The following HMGB1 variants were observed in gnomAD, a reference collection of about 807,000 sequenced individuals.
HMGB1 encodes the protein high mobility group box 1, also known as high mobility group protein B1.
For missense variants in HMGB1, 79 were observed against 253.5 expected (o/e 0.31, Z 4.67); for synonymous variants, 81 against 84.0 (o/e 0.96, Z 0.19).
At chr13:30,561,355 G>A (rs9508801) in intron 1 of HMGB1, among the ~76,000 whole-genome samples, 99,311 of 152,024 alleles carry the variant, frequency 0.65, 37,153 homozygotes, top group Non-Finnish European at 0.84. Context: ...AAAGAAGAAA[G>A]AATAGGAGAA....
exon 1 of HMGB1, chr13:30,616,951 C>A (rs548196249): frequency 6.6e-6 from 1 of 152,184 alleles, no homozygotes; most frequent in Non-Finnish European, 1.5e-5. Flanking sequence ...CAGAACCAAT[C>A]GACCAAAAGG....
At chr13:30,605,347 A>G (rs1294446701) in intron 1 of HMGB1, among the ~76,000 whole-genome samples, 2 of 152,256 alleles carry the variant, frequency 1.3e-5, no homozygotes, top group African/African-American at 4.8e-5. Flanking sequence ...AAGGTGATTT[A>G]GGAACTAAAC....
chr13:30,591,392 T>A (rs1042423967), intron 1 of HMGB1, among the ~76,000 whole-genome samples: 1 of 152,158 alleles, frequency 6.6e-6, no homozygotes, highest in African/African-American at 2.4e-5. Flanking sequence ...ATGTATGATA[T>A]CCAGTAAGTT....
At chr13:30,613,985 G>C (rs1950537243) in intron 1 of HMGB1, among the ~76,000 whole-genome samples, 1 of 151,624 alleles carries the variant, frequency 6.6e-6, no homozygotes, top group South Asian at 2.1e-4. Flanking sequence ...ATAAAAATAA[G>C]GAAATACCTT....
rs527575018 is a variant in HMGB1, at chr13:30,497,713, T to C, written c.-14-34019A>G. Among the ~76,000 whole-genome samples the C allele has an allele frequency of 2.0e-5, 3 of 152,314 alleles. No homozygotes were observed. In the South Asian group the frequency reaches 6.2e-4, roughly 32 times the overall value. On this transcript the variant is annotated intron_variant, in intron 1 of 4. Transcript: ENST00000405805. ...AGATGGAAACATGCACTATCTGACTTTCTGTTCCTGCATTAGTTCCCTCAG... is the reference window on the plus strand; with the variant it reads ...AGATGGAAACATGCACTATCTGACTCTCTGTTCCTGCATTAGTTCCCTCAG...
intron 1 of HMGB1, among the ~76,000 whole-genome samples, chr13:30,507,358 G>C (rs1012794350): frequency 2.6e-5 from 4 of 152,174 alleles, no homozygotes; most frequent in Non-Finnish European, 4.4e-5. Flanking sequence ...CTGGAACCCA[G>C]TATTATCTTC....
intron 1 of HMGB1, among the ~76,000 whole-genome samples, chr13:30,475,418 G>T (rs1887071915): frequency 6.6e-6 from 1 of 150,932 alleles, no homozygotes; most frequent in African/African-American, 2.4e-5. Context: ...TCTCCATGTT[G>T]CCTGGGCTGG....
Position 30,465,810 on chromosome 13 carries a change from A to G in HMGB1, c.-29T>C. 1 of 985,734 alleles carries G rather than the reference A, an allele frequency of 1.0e-6. No individual in the cohort carries two copies. Among genetic ancestry groups the G allele is most frequent in the Non-Finnish European group, 1.2e-6 (1 of 829,848 alleles). The allele number at this position is 985,734 out of a possible 1,614,324, so 61.1% of individuals were successfully genotyped here. On this transcript the variant is annotated 5_prime_UTR_variant, in exon 1 of 5. Transcript: ENST00000341423. ...CCCAGACTCACCCTCAGCGAGGCACAGAGTCGCCCAGTGCCCGTCCGGCTC... is the reference window on the plus strand; with the variant it reads ...CCCAGACTCACCCTCAGCGAGGCACGGAGTCGCCCAGTGCCCGTCCGGCTC...
At chr13:30,468,229 C>A (rs1425554807), upstream of HMGB1, among the ~76,000 whole-genome samples, 1 of 152,126 alleles carries the variant, frequency 6.6e-6, no homozygotes, top group Non-Finnish European at 1.5e-5. Flanking sequence ...GCAGTGATTG[C>A]AAATCTAGTG....
chr13:30,507,167 A>G (rs1433791261), intron 1 of HMGB1, among the ~76,000 whole-genome samples: 3 of 152,058 alleles, frequency 2.0e-5, no homozygotes. Context: ...CTATAGCTCA[A>G]ATGCCTTAAC....
intron 1 of HMGB1, among the ~76,000 whole-genome samples, chr13:30,577,977 C>T (rs965120715): frequency 6.6e-6 from 1 of 152,168 alleles, no homozygotes; most frequent in Non-Finnish European, 1.5e-5. Flanking sequence ...AGTTCCACTA[C>T]AGGAACACAG....
At chr13:30,572,301 C>T (rs1455611407) in intron 1 of HMGB1, among the ~76,000 whole-genome samples, 2 of 152,182 alleles carry the variant, frequency 1.3e-5, no homozygotes, top group East Asian at 3.8e-4. Flanking sequence ...CAACTTAGCT[C>T]TCAGAGACCG....
At chr13:30,521,954 T>G (rs1888248505) in intron 1 of HMGB1, among the ~76,000 whole-genome samples, 1 of 152,216 alleles carries the variant, frequency 6.6e-6, no homozygotes, top group South Asian at 2.1e-4. Context: ...TTGCACTTAT[T>G]TTTAAAGCAC....
At chr13:30,479,741 TGTGA>T (rs781620938) in intron 1 of HMGB1, among the ~76,000 whole-genome samples, 2 of 152,304 alleles carry the variant, frequency 1.3e-5, no homozygotes, top group South Asian at 2.1e-4. Context: ...GCAAGAGTGT[TGTGA>T]GTTTCAATGA....
At chr13:30,552,308 T>A in intron 1 of HMGB1, among the ~76,000 whole-genome samples, 1 of 152,208 alleles carries the variant, frequency 6.6e-6, no homozygotes, top group East Asian at 1.9e-4. Context: ...TACTCTTAAA[T>A]TTTTCAGCAA....
At chr13:30,490,001 C>T (rs1887449012) in intron 1 of HMGB1, among the ~76,000 whole-genome samples, 1 of 129,476 alleles carries the variant, frequency 7.7e-6, no homozygotes, top group South Asian at 2.4e-4. Flanking sequence ...GTTGGGATTA[C>T]AGGCATCAGC....
intron 1 of HMGB1, among the ~76,000 whole-genome samples, chr13:30,479,906 A>G (rs78856638): frequency 0.064 from 9,700 of 152,268 alleles, 843 homozygotes; most frequent in African/African-American, 0.2. Context: ...TTTCTTCCAA[A>G]TTAACTACAA....
intron 1 of HMGB1, among the ~76,000 whole-genome samples, chr13:30,538,742 CTTCT>C (rs1452726727): frequency 4.7e-5 from 5 of 106,254 alleles, no homozygotes; most frequent in Non-Finnish European, 1.0e-4. Flanking sequence ...TTCTTTCTTT[CTTCT>C]TTTTCTTTCT....
At chr13:30,494,025 G>A (rs903008608) in intron 1 of HMGB1, among the ~76,000 whole-genome samples, 2 of 151,668 alleles carry the variant, frequency 1.3e-5, no homozygotes, top group African/African-American at 4.8e-5. Flanking sequence ...CTCTTTCAAT[G>A]GCACACTTTA....
Sources: allele counts gnomAD v4.1 joint callset (sites outside exome capture counted in the v4.1 genomes callset), GRCh38; gene constraint gnomAD v4.1.1; transcripts MANE v1.5; gene names NCBI Gene and HGNC (gene_info 2026-07-23, HGNC 2026-07-21).